TCF3: variants seen among roughly 807,000 people sequenced by gnomAD.
TCF3 encodes transcription factor E2-alpha.
Under a neutral mutation model 72.3 loss-of-function variants are expected in TCF3, and 54 were observed. That is an observed-to-expected ratio of 0.75 (90% CI 0.60 to 0.94). The LOEUF is 0.94. TCF3 is among the 40% of genes least tolerant of loss of function. The pLI is 0.00. For synonymous variants in TCF3, 525 were observed against 412.6 expected (o/e 1.27, Z -3.30); for missense variants, 1,078 against 934.4 (o/e 1.15, Z -2.00).
At chr19:1,613,872 C>T (rs1377027054) in intron 18 of TCF3, among the ~76,000 whole-genome samples, 3 of 152,222 alleles carry the variant, frequency 2.0e-5, no homozygotes, top group African/African-American at 7.2e-5. Flanking sequence ...CGTGAATGGT[C>T]GCAGTAGGAG....
Position 1,621,050 on chromosome 19 carries a change from C to A in TCF3, c.1015-4G>T. ...TTGAGTGATCCGGGGAGTAGATCTGCGAGGAGGACCAGGAGAGATGGGCGG... is the reference window on the plus strand; with the variant it reads ...TTGAGTGATCCGGGGAGTAGATCTGAGAGGAGGACCAGGAGAGATGGGCGG... On this transcript the variant is annotated splice_region_variant and splice_polypyrimidine_tract_variant and intron_variant, in intron 12 of 18. Coordinates refer to ENST00000262965, the MANE Select transcript of TCF3 (RefSeq NM_003200.5). 1 of 1,519,682 alleles carries A rather than the reference C, an allele frequency of 6.6e-7. No individual in the cohort carries two copies. Among genetic ancestry groups the A allele is most frequent in the South Asian group, 1.2e-5 (1 of 80,208 alleles). The allele number at this position is 1,519,682 out of a possible 1,614,324, so 94.1% of individuals were successfully genotyped here.
Position 1,619,759 on chromosome 19 carries a change from TGGGGC to T in TCF3, c.1167+16_1167+20del. 2.1e-6 allele frequency: 1 copy of T among 483,138 alleles called. No individual in the cohort carries two copies. The highest frequency in any genetic ancestry group is 2.8e-6 in the Non-Finnish European group (1 of 354,526). The allele number at this position is 483,138 out of a possible 1,614,324, so 29.9% of individuals were successfully genotyped here. ...CAAATTCTGTCGGGGAAGGGTGGGG[TGGGGC>T]GGGGCAGGCACTCACCAGGCCGTGG... On this transcript the variant is annotated intron_variant, in intron 14 of 18. Transcript: ENST00000262965.
In TCF3 at chr19:1,620,950, C is replaced by G. The variant is rs574100953; in HGVS notation, c.1093+18G>C. 3.4e-6 allele frequency: 5 copies of G among 1,481,302 alleles called. No individual in the cohort carries two copies. The South Asian group carries it at 4.1e-5, about 12-fold the overall frequency. 91.8% of individuals were successfully genotyped at this position (1,481,302 alleles called of 1,614,324 possible). On this transcript the variant is annotated intron_variant, in intron 13 of 18. Coordinates refer to ENST00000262965, the MANE Select transcript of TCF3 (RefSeq NM_003200.5). The stretch of plus-strand genomic sequence containing the variant: ...CTCACAGACCTCAGCCTCCCCTCCC[C>G]CCAAAACCCTCACAGACCTGCCAGG...
chr19:1,634,416 G>A (rs572389238), intron 3 of TCF3, among the ~76,000 whole-genome samples: 4 of 152,374 alleles, frequency 2.6e-5, no homozygotes, highest in African/African-American at 7.2e-5. Context: ...TGGCTGCCTC[G>A]GGAGAGGCCT....
Position 1,615,821 on chromosome 19 carries a change from C to A in TCF3, c.1451G>T (p.Gly484Val). ...DLSRPPDSYSGLGRAGATAAA... is the reference protein window; with the variant it reads ...DLSRPPDSYSVLGRAGATAAA... ...CGCCGTGGCACCTGCTCGCCCTAGC[C>A]CTGCAACAGGCCTAGGGTCAGGGGC... The change falls in exon 17 of 19, where the codon GGG becomes GTG. Residue 484 changes from glycine to valine, a missense_variant and splice_region_variant. Gly to Val is a moderately radical substitution (Grantham distance 109). Coordinates refer to ENST00000262965, the MANE Select transcript of TCF3 (RefSeq NM_003200.5). This position sits in a 1 kb window ranked among gnomAD's most constrained non-coding sequence, Gnocchi z 7.3. The A allele has an allele frequency of 6.4e-7, 1 of 1,555,774 alleles. No homozygotes were observed. Among genetic ancestry groups the A allele is most frequent in the Non-Finnish European group, 8.7e-7 (1 of 1,147,918 alleles).
In TCF3 at chr19:1,611,310, G is replaced by A. The variant is rs893367529; in HGVS notation, c.*397C>T. ...CCATTTCTCCGCTTTTTATAGTTAAGGCATTTTTTTCTTCTCTGACAAAGT... is the reference window on the plus strand; with the variant it reads ...CCATTTCTCCGCTTTTTATAGTTAAAGCATTTTTTTCTTCTCTGACAAAGT... On this transcript the variant is annotated 3_prime_UTR_variant, in exon 19 of 19. Coordinates refer to ENST00000262965, the MANE Select transcript of TCF3 (RefSeq NM_003200.5). The A allele has an allele frequency of 1.9e-5, 7 of 376,944 alleles. No individual in the cohort carries two copies. The highest frequency in any genetic ancestry group is 1.5e-4 in the African/African-American group (7 of 48,206). The allele number at this position is 376,944 out of a possible 1,614,324, so 23.3% of individuals were successfully genotyped here. A position where few individuals can be genotyped will look rare whatever the true frequency, so the allele number is the denominator to read the frequency against.
chr19:1,647,241 C>T (rs953150253), intron 2 of TCF3, among the ~76,000 whole-genome samples: 9 of 152,044 alleles, frequency 5.9e-5, no homozygotes, highest in African/African-American at 9.7e-5. Flanking sequence ...GAAAAGCCAA[C>T]GGCAACAAAC....
chr19:1,621,905 G>C lies in TCF3; in HGVS notation c.888C>G (p.Ala296=), dbSNP rs34203855. 100 of 1,600,894 alleles carry C rather than the reference G, an allele frequency of 6.2e-5. No individual in the cohort carries two copies. Among genetic ancestry groups the C allele is most frequent in the Non-Finnish European group, 7.8e-5 (92 of 1,175,302 alleles). ...GLPSASSFSS[A]PGATYGGVSS... ...AGACGCCGCCGTACGTGGCTCCGGGGGCTGAGGAGAAGGAGGATGCAGATG... is the reference window on the plus strand; with the variant it reads ...AGACGCCGCCGTACGTGGCTCCGGGCGCTGAGGAGAAGGAGGATGCAGATG... The change falls in exon 11 of 19, where the codon GCC becomes GCG. Residue 296 remains alanine (A), a synonymous_variant. Coordinates refer to ENST00000262965, the MANE Select transcript of TCF3 (RefSeq NM_003200.5).
At chr19:1,625,755 C>G in intron 6 of TCF3, 47 bp from the exon 7 acceptor site, 1 of 1,453,948 alleles carries the variant, frequency 6.9e-7, no homozygotes, top group South Asian at 1.4e-5. Flanking sequence ...GCATCCAGAC[C>G]CCAGGCTGTT....
Position 1,615,569 on chromosome 19 carries a change from G to A in TCF3, c.1587-49C>T. ...GGCCAGAGGGAGACAGTGAGGTTGG[G>A]GGAAGAGCGTGGGGCCCGCCGACGG... On this transcript the variant is annotated intron_variant, in intron 17 of 18. Transcript: ENST00000262965. This position sits in a 1 kb window ranked among gnomAD's most constrained non-coding sequence, Gnocchi z 7.3. The A allele has an allele frequency of 6.2e-7, 1 of 1,604,952 alleles. No homozygotes were observed. The highest frequency in any genetic ancestry group is 1.1e-5 in the South Asian group (1 of 91,072).
rs1023096381 is a variant in TCF3 at position 1,609,560 on chromosome 19, G to A, written c.*2147C>T. 1.4e-5 allele frequency: 3 copies of A among 220,156 alleles called. No homozygotes were observed. Among genetic ancestry groups the A allele is most frequent in the East Asian group, 6.6e-5 (1 of 15,070 alleles). The allele number at this position is 220,156 out of a possible 1,614,324, so 13.6% of individuals were successfully genotyped here. A position where few individuals can be genotyped will look rare whatever the true frequency, so the allele number is the denominator to read the frequency against. ...ATCTCGTTTGAATTCTATGCAGAAC[G>A]CACAGTTCCAGAGGCTATGGGGCCA... On this transcript the variant is annotated 3_prime_UTR_variant, in exon 19 of 19. Coordinates refer to ENST00000262965, the MANE Select transcript of TCF3 (RefSeq NM_003200.5).
chr19:1,610,504 G>C lies in TCF3; in HGVS notation c.*1203C>G. On this transcript the variant is annotated 3_prime_UTR_variant, in exon 19 of 19. Transcript: ENST00000262965. Reference sequence around the variant, plus strand: ...TTCAGAGCATGAGCCTGGGTCCCTGGGGCAAAGGAGTGAAGGACAGGGTGT... The same window carrying C: ...TTCAGAGCATGAGCCTGGGTCCCTGCGGCAAAGGAGTGAAGGACAGGGTGT... 1 of 231,446 alleles carries C rather than the reference G, an allele frequency of 4.3e-6. No individual in the cohort carries two copies. The highest frequency in any genetic ancestry group is 8.5e-6 in the Non-Finnish European group (1 of 117,028). The allele number at this position is 231,446 out of a possible 1,614,324, so 14.3% of individuals were successfully genotyped here.
At chr19:1,644,775 G>A (rs2065832854) in intron 3 of TCF3, among the ~76,000 whole-genome samples, 1 of 152,140 alleles carries the variant, frequency 6.6e-6, no homozygotes, top group Non-Finnish European at 1.5e-5. Flanking sequence ...GGGGTGAGAG[G>A]CGACAGGGGA....
chr19:1,640,060 G>A (rs562763071), intron 3 of TCF3, among the ~76,000 whole-genome samples: 2 of 152,294 alleles, frequency 1.3e-5, no homozygotes, highest in Admixed American at 6.5e-5. Context: ...CAAGAACAAA[G>A]AAACCACCTA....
rs1283568329 is a variant in TCF3 at position 1,646,446 on chromosome 19, A to G, written c.73-19T>C. On this transcript the variant is annotated intron_variant, in intron 2 of 18. Transcript: ENST00000262965. ...GGAACATCTGCAGGGAGGGGAGGGG[A>G]GACGTGAGCGGGGCGGGTGGCAAAC... 1 of 1,539,508 alleles carries G rather than the reference A, an allele frequency of 6.5e-7. No individual in the cohort carries two copies. The highest frequency in any genetic ancestry group is 8.8e-7 in the Non-Finnish European group (1 of 1,137,684).
intron 2 of TCF3, 91 bp downstream of exon 2, chr19:1,650,086 G>C (rs1261483204): frequency 7.9e-7 from 1 of 1,273,492 alleles, no homozygotes; most frequent in Non-Finnish European, 1.1e-6. Context: ...CTCCATCGCT[G>C]AAGTATTCAG....
rs538928803 is a variant in TCF3, at chr19:1,614,375, G to A, written c.1822+910C>T. On this transcript the variant is annotated intron_variant, in intron 18 of 18. Transcript: ENST00000262965. This position sits in a 1 kb window ranked among gnomAD's most constrained non-coding sequence, Gnocchi z 5.6. ...GGGGCTTTGGGGGAGGAAACGCCCT[G>A]AGGTTGCAGCCCAGCCGCTCCCGGT... Among the ~76,000 whole-genome samples the A allele has an allele frequency of 5.9e-5, 9 of 152,344 alleles. No homozygotes were observed. Among genetic ancestry groups the A allele is most frequent in the Admixed American group, 1.3e-4 (2 of 15,310 alleles).
chr19:1,613,203 C>T lies in TCF3; in HGVS notation c.1823-1354G>A, dbSNP rs116332760. The stretch of plus-strand genomic sequence containing the variant: ...AAAATGTGCTTCTCTGTGCACGCGG[C>T]GAATGTGCTCCCTGGAATGCAGCAG... On this transcript the variant is annotated intron_variant, in intron 18 of 18. Transcript: ENST00000262965. Among the ~76,000 whole-genome samples, 603 of 152,242 alleles carry T rather than the reference C, an allele frequency of 4.0e-3. 7 individuals are homozygous for T. Among genetic ancestry groups the T allele is most frequent in the African/African-American group, 0.014 (576 of 41,516 alleles).
At chr19:1,612,164 G>A in intron 18 of TCF3, 1 of 1,526,702 alleles carries the variant, frequency 6.6e-7, no homozygotes, top group Non-Finnish European at 8.8e-7. Context: ...CTGGGTGTGG[G>A]GAAGGGAGAG....
Sources: allele counts gnomAD v4.1 joint callset (sites outside exome capture counted in the v4.1 genomes callset), GRCh38; gene constraint gnomAD v4.1.1; non-coding constraint Gnocchi (gnomAD v3.1); transcripts MANE v1.5; gene names NCBI Gene and HGNC (gene_info 2026-07-23, HGNC 2026-07-21).